The following SH2D4A variants were observed in gnomAD, a reference collection of about 807,000 sequenced individuals.
SH2D4A encodes SH2 domain-containing protein 4A.
In SH2D4A, 70 loss-of-function variants were observed where a neutral mutation model predicts 64.7. The observed-to-expected ratio is 1.08, with a 90% CI of 0.89 to 1.32. The LOEUF (loss-of-function observed/expected upper bound fraction) is 1.32, where lower values mean the gene tolerates loss of function less well. Ranked by LOEUF, SH2D4A falls within the 40% of genes most tolerant of loss-of-function variation. The pLI is 0.00. For synonymous variants in SH2D4A, 268 were observed against 200.7 expected (o/e 1.34, Z -2.83); for missense variants, 706 against 540.1 (o/e 1.31, Z -3.04).
intron 9 of SH2D4A, among the ~76,000 whole-genome samples, chr8:19,393,779 A>G (rs529809763): frequency 6.6e-6 from 1 of 152,320 alleles, no homozygotes; most frequent in East Asian, 1.9e-4. Flanking sequence ...GAATACGGGA[A>G]ATGCTAAAAC....
chr8:19,352,973 G>A (rs1563197615), intron 4 of SH2D4A, among the ~76,000 whole-genome samples: 4 of 152,070 alleles, frequency 2.6e-5, no homozygotes, highest in South Asian at 2.1e-4. Flanking sequence ...TCATGCCACC[G>A]CACTTCAGCC....
chr8:19,352,349 C>T (rs1316816690), intron 4 of SH2D4A, among the ~76,000 whole-genome samples: 3 of 152,246 alleles, frequency 2.0e-5, no homozygotes, highest in African/African-American at 7.2e-5. Flanking sequence ...TGGGGTACAC[C>T]CCCAGATCCA....
At chr8:19,318,561 A>G (rs2052129543) in intron 1 of SH2D4A, among the ~76,000 whole-genome samples, 1 of 152,212 alleles carries the variant, frequency 6.6e-6, no homozygotes, top group Admixed American at 6.5e-5. Context: ...CATATAAATG[A>G]AGGATCCTTT....
rs769443220 is a variant in SH2D4A, at chr8:19,373,613, G to A, written c.1001G>A (p.Arg334Gln). The A allele has an allele frequency of 4.2e-5, 68 of 1,613,260 alleles. No individual in the cohort carries two copies. The Middle Eastern group carries it at 6.6e-4, about 16-fold the overall frequency. ...RWFKEEQLPL[R>Q]AGYQKTSDTI... ...TTTAAAGAGGAGCAGCTACCACTTC[G>A]AGCGGGCTACCAGAAAACCTCAGAC... The change falls in exon 8 of 10, where the codon CGA becomes CAA. Residue 334 changes from arginine to glutamine, a missense_variant. By Grantham distance (43) the Arg-to-Gln change is conservative. Transcript: ENST00000265807.
rs768379122 is a variant in SH2D4A, at chr8:19,394,632, T to C, written c.1355T>C (p.Leu452Pro). 1 of 1,606,710 alleles carries C rather than the reference T, an allele frequency of 6.2e-7. No homozygotes were observed. The highest frequency in any genetic ancestry group is 2.2e-5 in the East Asian group (1 of 44,638). The stretch of plus-strand genomic sequence containing the variant: ...GACCAGCTGCCTGACTACCTGGAGC[T>C]GTTTGAGTGACAGCCTCCATCAGGG... Reference protein sequence around the residue: ...QQDQLPDYLELFE With the variant: ...QQDQLPDYLEPFE The change falls in exon 10 of 10, where the codon CTG becomes CCG. Residue 452 changes from leucine to proline, a missense_variant. Transcript: ENST00000265807.
At chr8:19,350,073 A>T (rs1021320040) in intron 4 of SH2D4A, among the ~76,000 whole-genome samples, 1 of 152,158 alleles carries the variant, frequency 6.6e-6, no homozygotes, top group African/African-American at 2.4e-5. Context: ...TGTATCAATC[A>T]TGTTTTTTTA....
intron 6 of SH2D4A, 24 bp from the exon 7 acceptor site, chr8:19,364,048 T>C (rs374802769): frequency 6.8e-6 from 11 of 1,612,942 alleles, no homozygotes; most frequent in Middle Eastern, 1.7e-4. Context: ...ATGAGGGTTT[T>C]CTCCGACCCC....
In SH2D4A at chr8:19,361,323, C is replaced by A; in HGVS notation, c.706+9C>A. 1 of 1,599,106 alleles carries A rather than the reference C, an allele frequency of 6.3e-7. No homozygotes were observed. The highest frequency in any genetic ancestry group is 1.4e-5 in the African/African-American group (1 of 73,754). Reference sequence around the variant, plus strand: ...GGAATGGCAGGCATCTCGTGAGTACCCAGAGGTCTCCATAGCACCTTCCAG... The same window carrying A: ...GGAATGGCAGGCATCTCGTGAGTACACAGAGGTCTCCATAGCACCTTCCAG... On this transcript the variant is annotated intron_variant, in intron 6 of 9. Transcript: ENST00000265807.
intron 4 of SH2D4A, among the ~76,000 whole-genome samples, chr8:19,351,162 A>G (rs1333399577): frequency 6.6e-6 from 1 of 152,216 alleles, no homozygotes; most frequent in Non-Finnish European, 1.5e-5. Context: ...ACTTAATATT[A>G]TAGTCATCAT....
At chr8:19,371,873 T>C (rs1215823914) in intron 7 of SH2D4A, among the ~76,000 whole-genome samples, 3 of 152,174 alleles carry the variant, frequency 2.0e-5, no homozygotes, top group Admixed American at 2.0e-4. Context: ...GGCTCCAGGA[T>C]TTGATTTTTT....
intron 4 of SH2D4A, among the ~76,000 whole-genome samples, chr8:19,347,260 C>G (rs925613035): frequency 1.8e-4 from 27 of 152,146 alleles, no homozygotes; most frequent in Admixed American, 2.0e-4. Context: ...GAGACACGCA[C>G]GTTCAGAGCA....
intron 7 of SH2D4A, among the ~76,000 whole-genome samples, chr8:19,365,826 G>A (rs1161533554): frequency 1.3e-5 from 2 of 152,120 alleles, no homozygotes; most frequent in African/African-American, 4.8e-5. Context: ...TACAGTGTCT[G>A]TGGAGTTTTG....
At chr8:19,333,699 C>G (rs917345019) in intron 3 of SH2D4A, among the ~76,000 whole-genome samples, 4 of 152,228 alleles carry the variant, frequency 2.6e-5, no homozygotes, top group Admixed American at 2.0e-4. Context: ...GCGGCCAGTG[C>G]AGGCTGTGAT....
chr8:19,345,774 G>A (rs944247872), intron 4 of SH2D4A, among the ~76,000 whole-genome samples: 11 of 152,224 alleles, frequency 7.2e-5, no homozygotes, highest in African/African-American at 2.7e-4. Flanking sequence ...ATTTGGATGT[G>A]ATTTTATACC....
chr8:19,390,059 C>T (rs1450816697), intron 8 of SH2D4A, among the ~76,000 whole-genome samples: 3 of 152,098 alleles, frequency 2.0e-5, no homozygotes, highest in African/African-American at 7.2e-5. Flanking sequence ...AAGGGCAATG[C>T]AGGGGACAAG....
Position 19,382,904 on chromosome 8 carries a change from C to T in SH2D4A, c.1048+9244C>T, listed in dbSNP as rs560647535. Among the ~76,000 whole-genome samples the T allele has an allele frequency of 1.2e-4, 16 of 135,654 alleles. No homozygotes were observed. The East Asian group carries it at 1.8e-3, about 15-fold the overall frequency. 89.0% of individuals were successfully genotyped at this position (135,654 alleles called of 152,430 possible). A position where few individuals can be genotyped will look rare whatever the true frequency, so the allele number is the denominator to read the frequency against. Reference sequence around the variant, plus strand: ...GGAGTACAGTGGAGTGATCTTGACTCGCTACAGCCTTGACCTCCCAGGTTC... The same window carrying T: ...GGAGTACAGTGGAGTGATCTTGACTTGCTACAGCCTTGACCTCCCAGGTTC... On this transcript the variant is annotated intron_variant, in intron 8 of 9. Coordinates refer to ENST00000265807, the MANE Select transcript of SH2D4A (RefSeq NM_022071.4).
At chr8:19,374,968 G>A (rs552124594) in intron 8 of SH2D4A, among the ~76,000 whole-genome samples, 39 of 152,250 alleles carry the variant, frequency 2.6e-4, no homozygotes, top group Non-Finnish European at 5.3e-4. Flanking sequence ...ATTATAAGAA[G>A]GGTAGTTTTT....
At chr8:19,377,244 T>A (rs1237808455) in intron 8 of SH2D4A, among the ~76,000 whole-genome samples, 1 of 152,148 alleles carries the variant, frequency 6.6e-6, no homozygotes, top group Non-Finnish European at 1.5e-5. Flanking sequence ...GACCTGGATG[T>A]GGTGGCAGGC....
intron 7 of SH2D4A, among the ~76,000 whole-genome samples, chr8:19,367,592 T>G (rs1347825513): frequency 6.6e-6 from 1 of 152,216 alleles, no homozygotes; most frequent in Non-Finnish European, 1.5e-5. Context: ...TTTGTTTTTT[T>G]GCTATTGAGT....
Sources: gnomAD v4.1 joint callset for allele counts (sites outside exome capture counted in the v4.1 genomes callset) on GRCh38, gnomAD v4.1.1 for gene constraint, MANE v1.5 for transcripts, NCBI Gene and HGNC (gene_info 2026-07-23, HGNC 2026-07-21) for gene names.